Variants in POC1A observed in about 807,000 individuals in gnomAD.
POC1A encodes the protein POC1 centriolar protein homolog A.
A neutral mutation model predicts 47.8 loss-of-function variants in POC1A; 34 were observed. That is an observed-to-expected ratio of 0.71 (90% CI 0.54 to 0.95). The LOEUF (loss-of-function observed/expected upper bound fraction) is 0.95. POC1A is among the 40% of genes least tolerant of loss of function. The probability of loss-of-function intolerance (pLI) is 0.00; values close to 1 mark genes in which losing one functional copy is unlikely to be tolerated. For synonymous variants in POC1A, 177 were observed against 207.6 expected, an observed-to-expected ratio of 0.85 and a Z score of 1.27; for missense variants, 466 against 528.3, an observed-to-expected ratio of 0.88 and a Z score of 1.16.
Position 52,122,442 on chromosome 3 carries a change from A to G in POC1A, c.918T>C (p.Asp306=). Residue 306 remains aspartate (D), a synonymous_variant, in exon 9 of 11, where the codon GAT becomes GAC. Transcript: ENST00000296484. ...MVWKSNFDIV[D]HGEVTKVPRP... The stretch of plus-strand genomic sequence containing the variant: ...TCGGCACTTTCGTGACTTCTCCATG[A>G]TCAACAATATCAAAGTTACTCTTCC... The G allele has an allele frequency of 6.2e-7, 1 of 1,612,602 alleles. No individual in the cohort carries two copies. The highest frequency in any genetic ancestry group is 8.5e-7 in the Non-Finnish European group (1 of 1,178,584).
At chr3:52,134,800 CAAA>C (rs570817861) in intron 7 of POC1A, among the ~76,000 whole-genome samples, 25 of 110,500 alleles carry the variant, frequency 2.3e-4, no homozygotes, top group Admixed American at 2.9e-4. Context: ...CACCTGGACT[CAAA>C]AAAAAAAAAA....
intron 9 of POC1A, among the ~76,000 whole-genome samples, chr3:52,112,716 AAGC>A (rs1197860539): frequency 6.6e-6 from 1 of 152,198 alleles, no homozygotes; most frequent in Non-Finnish European, 1.5e-5. Context: ...CTCTTCTGCA[AAGC>A]AGCAGACTAC....
At chr3:52,111,080 A>C (rs1173524978) in intron 9 of POC1A, among the ~76,000 whole-genome samples, 1 of 152,170 alleles carries the variant, frequency 6.6e-6, no homozygotes, top group Non-Finnish European at 1.5e-5. Context: ...TTGTCTTAAT[A>C]TGCTTTTCCC....
At chr3:52,114,526 T>A (rs1031128895) in intron 9 of POC1A, among the ~76,000 whole-genome samples, 2 of 152,172 alleles carry the variant, frequency 1.3e-5, no homozygotes, top group Non-Finnish European at 2.9e-5. Context: ...GGGGTGAGGA[T>A]GCTGGGCTCC....
intron 10 of POC1A, among the ~76,000 whole-genome samples, chr3:52,095,732 C>T (rs1702792277): frequency 6.6e-6 from 1 of 152,266 alleles, no homozygotes; most frequent in African/African-American, 2.4e-5. Context: ...ATGACAGCCA[C>T]CTGGAGCTTC....
chr3:52,154,220 T>A (rs1698650154), intron 1 of POC1A, 135 bp downstream of exon 1: 1 of 924,084 alleles, frequency 1.1e-6, no homozygotes, highest in African/African-American at 1.8e-5. Flanking sequence ...GCGCAGACAG[T>A]AAACTGGACC....
At chr3:52,102,531 A>G (rs138010390) in intron 9 of POC1A, among the ~76,000 whole-genome samples, 3 of 152,320 alleles carry the variant, frequency 2.0e-5, no homozygotes, top group Non-Finnish European at 4.4e-5. Context: ...CATTCAATTT[A>G]GGACCACCAA....
In POC1A at chr3:52,096,637, C is replaced by T. The variant is rs142837225; in HGVS notation, c.1057G>A (p.Val353Met). The T allele has an allele frequency of 5.1e-5, 83 of 1,613,126 alleles. No individual in the cohort carries two copies. The African/African-American group carries it at 1.0e-3, about 20-fold the overall frequency. ...CTAGTCAGTGTCTGGGGCACACTCA[C>T]GGGCTCCTGGGGCTGGCTCTGCACA... Reference protein sequence around the residue: ...ESVQSQPQEPVSVPQTLTSTL... With the variant: ...ESVQSQPQEPMSVPQTLTSTL... The change falls in exon 10 of 11, where the codon GTG becomes ATG. Residue 353 changes from valine (V) to methionine (M), a missense_variant. Transcript: ENST00000296484.
At chr3:52,128,444 G>A (rs1704092700) in intron 7 of POC1A, among the ~76,000 whole-genome samples, 1 of 152,194 alleles carries the variant, frequency 6.6e-6, no homozygotes, top group Admixed American at 6.5e-5. Context: ...GATAAGCTGT[G>A]TGGATCTGCA....
chr3:52,114,109 T>A (rs1703476486), intron 9 of POC1A, among the ~76,000 whole-genome samples: 1 of 152,258 alleles, frequency 6.6e-6, no homozygotes, highest in African/African-American at 2.4e-5. Flanking sequence ...ACCAGCATAC[T>A]AGGGCAGCGC....
intron 9 of POC1A, among the ~76,000 whole-genome samples, chr3:52,114,735 G>A (rs1343167455): frequency 6.6e-6 from 1 of 152,178 alleles, no homozygotes; most frequent in Non-Finnish European, 1.5e-5. Context: ...AGGAGCCAGA[G>A]ATGGGCCACC....
At position 52,075,889 on chromosome 3, in the gene POC1A, A is replaced by C. The variant is rs1359953293; in HGVS notation, c.1222T>G (p.Ter408GlyextTer30). ...GCTCCTGATTCCTGCTCCCCTGATCATGGTGTTGCTCTCTGCATGATTAGC... is the reference window on the plus strand; with the variant it reads ...GCTCCTGATTCCTGCTCCCCTGATCCTGGTGTTGCTCTCTGCATGATTAGC... Reference protein sequence around the residue: ...QQLIMQRATP* With the variant: ...QQLIMQRATPG The change falls in exon 11 of 11, where the codon TGA becomes GGA. Residue 408 changes from the stop codon to glycine (G), a stop_lost. Transcript: ENST00000296484. 1 of 1,610,936 alleles carries C rather than the reference A, an allele frequency of 6.2e-7. No homozygotes were observed. The highest frequency in any genetic ancestry group is 1.3e-5 in the African/African-American group (1 of 74,838).
chr3:52,108,264 G>A (rs1703255657), intron 9 of POC1A, among the ~76,000 whole-genome samples: 1 of 152,212 alleles, frequency 6.6e-6, no homozygotes, highest in South Asian at 2.1e-4. Flanking sequence ...TTTGGGGACT[G>A]TGGATTTTTG....
intron 7 of POC1A, among the ~76,000 whole-genome samples, chr3:52,126,768 G>A (rs532607880): frequency 3.2e-4 from 48 of 152,256 alleles, no homozygotes; most frequent in Middle Eastern, 3.4e-3. Flanking sequence ...AAAGAAAAGC[G>A]GGCCAAAGTC....
chr3:52,148,044 C>G (rs1489452991), intron 4 of POC1A, among the ~76,000 whole-genome samples: 1 of 152,238 alleles, frequency 6.6e-6, no homozygotes, highest in Non-Finnish European at 1.5e-5. Context: ...CTGCCCCTGA[C>G]GCACAGCACA....
At chr3:52,117,422 C>T (rs1703608975) in intron 9 of POC1A, among the ~76,000 whole-genome samples, 2 of 152,306 alleles carry the variant, frequency 1.3e-5, no homozygotes, top group South Asian at 4.1e-4. Flanking sequence ...TGAAATCCCA[C>T]GAAGGAGGGC....
intron 10 of POC1A, among the ~76,000 whole-genome samples, chr3:52,077,593 C>T (rs1438352645): frequency 1.3e-5 from 2 of 152,260 alleles, no homozygotes; most frequent in African/African-American, 4.8e-5. Flanking sequence ...TCCCCCTGTG[C>T]TGGCCAGCCA....
chr3:52,132,373 GGGGT>G (rs1179837767), intron 7 of POC1A, among the ~76,000 whole-genome samples: 1 of 152,144 alleles, frequency 6.6e-6, no homozygotes, highest in African/African-American at 2.4e-5. Context: ...TAAAAATACT[GGGGT>G]TTTCCTGAGA....
At chr3:52,139,422 G>A (rs551334971) in intron 6 of POC1A, among the ~76,000 whole-genome samples, 2 of 151,962 alleles carry the variant, frequency 1.3e-5, no homozygotes, top group Non-Finnish European at 2.9e-5. Context: ...TCCAAGAGCC[G>A]GCCACCCCAG....
Sources: allele counts gnomAD v4.1 joint callset (sites outside exome capture counted in the v4.1 genomes callset), GRCh38; gene constraint gnomAD v4.1.1; transcripts MANE v1.5; gene names NCBI Gene and HGNC (gene_info 2026-07-23, HGNC 2026-07-21).